Variants in RNF185 observed in about 807,000 individuals in gnomAD.
The protein encoded by RNF185 is E3 ubiquitin-protein ligase RNF185.
A neutral mutation model predicts 24.9 loss-of-function variants in RNF185; 13 were observed. The ratio of observed to expected loss-of-function variants is 0.52; its 90% confidence interval spans 0.34 to 0.83. RNF185 has a LOEUF of 0.83. Among genes scored for constraint, RNF185 ranks in the 40% least tolerant of loss-of-function variants. The pLI is 0.01. For synonymous variants in RNF185, 79 were observed against 90.3 expected, an observed-to-expected ratio of 0.88 and a Z score of 0.71; for missense variants, 184 against 244.7, an observed-to-expected ratio of 0.75 and a Z score of 1.65.
intron 1 of RNF185, among the ~76,000 whole-genome samples, chr22:31,169,154 G>T (rs984649645): frequency 6.6e-6 from 1 of 152,146 alleles, no homozygotes; most frequent in Admixed American, 6.6e-5. Flanking sequence ...CAAGTGATCT[G>T]CCTGCCTAAG....
At chr22:31,200,768 A>G (rs2048254830) in intron 5 of RNF185, among the ~76,000 whole-genome samples, 3 of 152,216 alleles carry the variant, frequency 2.0e-5, no homozygotes, top group Admixed American at 1.3e-4. Context: ...TTATTTCTGT[A>G]ATATGTGAGT....
chr22:31,188,716 CT>C, intron 2 of RNF185, among the ~76,000 whole-genome samples: 1 of 151,954 alleles, frequency 6.6e-6, no homozygotes, highest in South Asian at 2.1e-4. Flanking sequence ...ACTCGGGAGA[CT>C]GAGGTGGGAG....
intron 1 of RNF185, among the ~76,000 whole-genome samples, chr22:31,166,887 C>G (rs536059701): frequency 2.0e-5 from 3 of 151,828 alleles, no homozygotes; most frequent in African/African-American, 7.3e-5. Context: ...TGACCTCAGA[C>G]GATCCACCCA....
At chr22:31,186,636 A>G (rs1030901789) in intron 1 of RNF185, among the ~76,000 whole-genome samples, 1 of 152,166 alleles carries the variant, frequency 6.6e-6, no homozygotes. Flanking sequence ...GCATATGACA[A>G]TCACAACCTT....
rs906017109 is a variant in RNF185, at chr22:31,182,951, C to T, written c.-48-4096C>T. The T allele has an allele frequency of 5.5e-4, 71 of 128,030 alleles. 1 individual carries two copies. The highest frequency in any genetic ancestry group is 1.9e-3 in the African/African-American group (64 of 33,884). 7.9% of individuals were successfully genotyped at this position (128,030 alleles called of 1,614,324 possible). ...ATTATTATTATTTTTGAGATGGAGT[C>T]TCTCTCTTGTCACCCAGGTTGGAGT... On this transcript the variant is annotated intron_variant, in intron 1 of 6. Transcript: ENST00000326132.
intron 2 of RNF185, among the ~76,000 whole-genome samples, chr22:31,189,135 A>AATATG (rs1555882536): frequency 1.5e-5 from 2 of 136,908 alleles, no homozygotes; most frequent in Non-Finnish European, 3.1e-5. Flanking sequence ...CAAAAAAAAA[A>AATATG]TGTGTGTGTG....
chr22:31,200,957 C>T (rs1327967559), intron 5 of RNF185, among the ~76,000 whole-genome samples: 1 of 152,192 alleles, frequency 6.6e-6, no homozygotes, highest in Non-Finnish European at 1.5e-5. Flanking sequence ...AACTTGGTCA[C>T]AAGAGTTGTT....
intron 1 of RNF185, among the ~76,000 whole-genome samples, chr22:31,181,462 T>C (rs1480804707): frequency 6.6e-6 from 1 of 152,240 alleles, no homozygotes; most frequent in Non-Finnish European, 1.5e-5. Flanking sequence ...TGTTTCATCT[T>C]TTCTCTCCAT....
chr22:31,192,557 T>G, intron 2 of RNF185, 127 bp from the exon 3 acceptor site: 1 of 791,770 alleles, frequency 1.3e-6, no homozygotes, highest in Admixed American at 1.9e-5. Context: ...CTCCATAGTT[T>G]ACTCCTGTTT....
chr22:31,168,872 C>CT (rs912408438), intron 1 of RNF185, among the ~76,000 whole-genome samples: 5 of 152,080 alleles, frequency 3.3e-5, no homozygotes, highest in African/African-American at 1.2e-4. Flanking sequence ...AGAAATGTCT[C>CT]TATTCAAGTC....
At chr22:31,167,708 G>A (rs571803778) in intron 1 of RNF185, among the ~76,000 whole-genome samples, 1 of 149,296 alleles carries the variant, frequency 6.7e-6, no homozygotes, top group South Asian at 2.1e-4. Flanking sequence ...CCGCATCCTG[G>A]GTTCAAGCAA....
chr22:31,197,199 T>C, intron 5 of RNF185: 1 of 552,262 alleles, frequency 1.8e-6, no homozygotes, highest in East Asian at 3.7e-5. Flanking sequence ...CTTTTCCATT[T>C]TTCTATAATT....
chr22:31,170,149 G>A (rs1029815536), intron 1 of RNF185, among the ~76,000 whole-genome samples: 1 of 152,078 alleles, frequency 6.6e-6, no homozygotes, highest in Non-Finnish European at 1.5e-5. Flanking sequence ...CTCCTCAGAA[G>A]TGCCTTGTGA....
intron 5 of RNF185, 80 bp from the exon 6 acceptor site, chr22:31,201,418 C>T (rs2048261978): frequency 6.0e-6 from 6 of 996,986 alleles, no homozygotes; most frequent in South Asian, 3.8e-5. Flanking sequence ...TGCAAGACAA[C>T]GTGAGGTATG....
chr22:31,171,143 C>G (rs2047924896), intron 1 of RNF185, among the ~76,000 whole-genome samples: 1 of 105,838 alleles, frequency 9.4e-6, no homozygotes, highest in Non-Finnish European at 1.9e-5. Context: ...GAACCAGGAC[C>G]TTCTCTGATT....
chr22:31,195,102 G>A (rs141943352), intron 3 of RNF185, among the ~76,000 whole-genome samples: 25 of 152,052 alleles, frequency 1.6e-4, no homozygotes, highest in African/African-American at 5.3e-4. Flanking sequence ...ACAGGCATGC[G>A]CCACCATGTC....
At chr22:31,198,612 T>G (rs996647642) in intron 5 of RNF185, among the ~76,000 whole-genome samples, 1 of 150,506 alleles carries the variant, frequency 6.6e-6, no homozygotes, top group African/African-American at 2.4e-5. Flanking sequence ...TTGGTCAGGC[T>G]GGTCTCGAAC....
intron 6 of RNF185, 72 bp from the exon 7 acceptor site, chr22:31,204,417 T>C (rs1942490311): frequency 1.1e-6 from 1 of 873,128 alleles, no homozygotes; most frequent in Non-Finnish European, 2.0e-6. Flanking sequence ...TGCTGTCAAC[T>C]TCTGGCCTGA....
At chr22:31,199,960 A>G (rs1227341352) in intron 5 of RNF185, among the ~76,000 whole-genome samples, 1 of 152,192 alleles carries the variant, frequency 6.6e-6, no homozygotes, top group East Asian at 1.9e-4. Flanking sequence ...ATTTGACCCA[A>G]TAGTCTGTCT....
Sources: allele counts gnomAD v4.1 joint callset (sites outside exome capture counted in the v4.1 genomes callset), GRCh38; gene constraint gnomAD v4.1.1; transcripts MANE v1.5; gene names NCBI Gene and HGNC (gene_info 2026-07-23, HGNC 2026-07-21).